Variants in USP25 observed in about 807,000 individuals in gnomAD.
USP25 encodes ubiquitin carboxyl-terminal hydrolase 25.
A neutral mutation model predicts 158.5 loss-of-function variants in USP25; 85 were observed. That is an observed-to-expected ratio of 0.54 (90% confidence interval 0.45 to 0.64). The LOEUF is 0.64. Among genes scored for constraint, USP25 ranks in the 30% least tolerant of loss-of-function variants. USP25 has a pLI of 0.00. For missense variants in USP25, 1,242 were observed against 1,327.3 expected, an observed-to-expected ratio of 0.94 and a Z score of 1.00; for synonymous variants, 464 against 460.4, an observed-to-expected ratio of 1.01 and a Z score of -0.10.
intron 1 of USP25, among the ~76,000 whole-genome samples, chr21:15,739,586 C>T (rs1436498655): frequency 1.3e-5 from 2 of 152,068 alleles, no homozygotes; most frequent in African/African-American, 2.4e-5. Flanking sequence ...GGGGCCACTC[C>T]ACAATTGATT....
chr21:15,778,728 A>C (rs2034795599), intron 4 of USP25, among the ~76,000 whole-genome samples: 1 of 152,142 alleles, frequency 6.6e-6, no homozygotes, highest in Non-Finnish European at 1.5e-5. Flanking sequence ...TACCTCTAAA[A>C]ATGGAGATAT....
intron 2 of USP25, among the ~76,000 whole-genome samples, chr21:15,763,628 T>C (rs2033865546): frequency 6.6e-6 from 1 of 152,158 alleles, no homozygotes; most frequent in South Asian, 2.1e-4. Flanking sequence ...TATTTGCATA[T>C]TACTACTATA....
intron 5 of USP25, 51 bp from the exon 6 acceptor site, chr21:15,799,706 C>T (rs2146249529): frequency 7.7e-7 from 1 of 1,295,162 alleles, no homozygotes. Context: ...TTTTTACATT[C>T]TGCTAATGGA....
At chr21:15,821,131 C>A (rs553873195) in intron 10 of USP25, among the ~76,000 whole-genome samples, 22 of 152,034 alleles carry the variant, frequency 1.4e-4, no homozygotes, top group South Asian at 1.2e-3. Context: ...TGAGTATTCA[C>A]TACTACCAGT....
At chr21:15,858,550 CTT>C (rs1333089132) in intron 20 of USP25, among the ~76,000 whole-genome samples, 1 of 151,156 alleles carries the variant, frequency 6.6e-6, no homozygotes, top group Non-Finnish European at 1.5e-5. Context: ...TTATTGAACT[CTT>C]TGTTTTCTAA....
chr21:15,811,169 A>C lies in USP25; in HGVS notation c.890A>C (p.Glu297Ala). ...GAGAAGCCAAAGAACCCCATGGTAGAGTTGTTCTATGGCAGATTCCTGGCT... is the reference window on the plus strand; with the variant it reads ...GAGAAGCCAAAGAACCCCATGGTAGCGTTGTTCTATGGCAGATTCCTGGCT... The part of the protein sequence containing the change: ...DEEKPKNPMV[E>A]LFYGRFLAVG... Residue 297 changes from glutamate (E) to alanine (A), a missense_variant, in exon 9 of 26, where the codon GAG becomes GCG. Transcript: ENST00000400183. 6.2e-7 allele frequency: 1 copy of C among 1,612,988 alleles called. No homozygotes were observed. Among genetic ancestry groups the C allele is most frequent in the Non-Finnish European group, 8.5e-7 (1 of 1,179,586 alleles).
intron 14 of USP25, 31 bp from the exon 15 acceptor site, chr21:15,830,500 T>C (rs1229592544): frequency 6.4e-7 from 1 of 1,555,448 alleles, no homozygotes; most frequent in Non-Finnish European, 8.7e-7. Flanking sequence ...ACATTTGCTG[T>C]TAATCATTAA....
At chr21:15,741,741 G>C (rs2032077314) in intron 1 of USP25, among the ~76,000 whole-genome samples, 1 of 152,168 alleles carries the variant, frequency 6.6e-6, no homozygotes, top group African/African-American at 2.4e-5. Flanking sequence ...AAAAATGTCA[G>C]AGATGTAGCT....
intron 4 of USP25, among the ~76,000 whole-genome samples, chr21:15,784,049 G>A (rs2035132667): frequency 6.6e-6 from 1 of 152,142 alleles, no homozygotes; most frequent in South Asian, 2.1e-4. Context: ...CACTGGACTG[G>A]TCCTACAAAA....
rs190943802 is a variant in USP25, at chr21:15,754,256, A to T, written c.46-8635A>T. The stretch of plus-strand genomic sequence containing the variant: ...GCATTCCCATCTCCAATAATTAGTT[A>T]GTGCCTCTTTTCTGTGGGATAAGCT... On this transcript the variant is annotated intron_variant, in intron 1 of 25. Transcript: ENST00000400183. Among the ~76,000 whole-genome samples the T allele has an allele frequency of 1.4e-3, 218 of 152,260 alleles. 1 individual carries two copies. The highest frequency in any genetic ancestry group is 1.8e-3 in the Non-Finnish European group (123 of 68,010).
At chr21:15,755,532 G>A (rs1195302402) in intron 1 of USP25, among the ~76,000 whole-genome samples, 3 of 152,106 alleles carry the variant, frequency 2.0e-5, no homozygotes, top group Non-Finnish European at 2.9e-5. Flanking sequence ...GAATTTGAAC[G>A]ACCAAGTTTC....
chr21:15,780,371 T>G lies in USP25; in HGVS notation c.392+2344T>G, dbSNP rs147960808. Among the ~76,000 whole-genome samples the G allele has an allele frequency of 2.3e-3, 355 of 152,302 alleles. 3 individuals carry two copies. The highest frequency in any genetic ancestry group is 8.0e-3 in the African/African-American group (334 of 41,576). ...CTTTATACACTTTTTAGTGTCAGAA[T>G]TGGGTGTATTTATTATCTCTTGATT... On this transcript the variant is annotated intron_variant, in intron 4 of 25. Transcript: ENST00000400183.
At position 15,874,016 on chromosome 21, in the gene USP25, A is replaced by G. The variant is rs528823217; in HGVS notation, c.2886-387A>G. ...AACCAAATGATGTTTGTGATCATTT[A>G]CTTCATATAAATGTGACATTGCGTT... On this transcript the variant is annotated intron_variant, in intron 23 of 25. Coordinates refer to ENST00000400183, the MANE Select transcript of USP25 (RefSeq NM_001283041.3). Among the ~76,000 whole-genome samples the G allele has an allele frequency of 2.6e-5, 4 of 152,272 alleles. No individual in the cohort carries two copies. The East Asian group carries it at 7.7e-4, about 29-fold the overall frequency.
At chr21:15,834,372 C>T (rs1430990950) in intron 17 of USP25, among the ~76,000 whole-genome samples, 3 of 151,966 alleles carry the variant, frequency 2.0e-5, no homozygotes, top group African/African-American at 2.4e-5. Context: ...ATAAATTAAG[C>T]GCATATATTT....
At chr21:15,869,248 CAAA>C (rs11300775) in intron 22 of USP25, among the ~76,000 whole-genome samples, 9 of 100,578 alleles carry the variant, frequency 8.9e-5, no homozygotes, top group Non-Finnish European at 1.4e-4. Flanking sequence ...ACCCTGTCTC[CAAA>C]AAAAAAAAAA....
intron 7 of USP25, 82 bp from the exon 8 acceptor site, chr21:15,808,727 C>T (rs2036513541): frequency 1.1e-6 from 1 of 937,174 alleles, no homozygotes; most frequent in South Asian, 2.0e-5. Context: ...ATTTCAACAA[C>T]TGGCTCTAGG....
intron 9 of USP25, among the ~76,000 whole-genome samples, chr21:15,811,557 A>G (rs2036662810): frequency 6.6e-6 from 1 of 152,204 alleles, no homozygotes; most frequent in Non-Finnish European, 1.5e-5. Flanking sequence ...GCTTGATATG[A>G]TGCTCACTTT....
intron 3 of USP25, 63 bp from the exon 4 acceptor site, chr21:15,777,841 A>G (rs1324350353): frequency 2.2e-5 from 32 of 1,469,024 alleles, no homozygotes; most frequent in South Asian, 8.5e-5. Context: ...TAAAATCTCC[A>G]TAATAAAAAT....
At chr21:15,854,504 G>A (rs138791882) in intron 20 of USP25, among the ~76,000 whole-genome samples, 362 of 151,914 alleles carry the variant, frequency 2.4e-3, no homozygotes, top group African/African-American at 8.3e-3. Context: ...AATCTTGGTC[G>A]GGTCTATTTT....
Sources: allele counts gnomAD v4.1 joint callset (sites outside exome capture counted in the v4.1 genomes callset), GRCh38; gene constraint gnomAD v4.1.1; transcripts MANE v1.5; gene names NCBI Gene and HGNC (gene_info 2026-07-23, HGNC 2026-07-21).